The following STAP2 variants were observed in gnomAD, a reference collection of about 807,000 sequenced individuals.
The protein encoded by STAP2 is signal-transducing adaptor protein 2.
In STAP2, 58 loss-of-function variants were observed where a neutral mutation model predicts 52.7. That is an observed-to-expected ratio of 1.10 (90% CI 0.89 to 1.37). STAP2 has a LOEUF of 1.37. Among genes scored for constraint, STAP2 ranks in the 40% most tolerant of loss-of-function variants. The probability of loss-of-function intolerance (pLI) is 0.00; values close to 1 mark genes in which losing one functional copy is unlikely to be tolerated. For synonymous variants in STAP2, 231 were observed against 210.5 expected (o/e 1.10, Z -0.84); for missense variants, 522 against 519.4 (o/e 1.00, Z -0.05).
In STAP2 at chr19:4,324,143, A is replaced by G. The variant is rs1445982344; in HGVS notation, c.1202T>C (p.Leu401Pro). 6.4e-7 allele frequency: 1 copy of G among 1,551,492 alleles called. No homozygotes were observed. The highest frequency in any genetic ancestry group is 2.0e-5 in the Admixed American group (1 of 51,000). Residue 401 changes from leucine to proline, a missense_variant, in exon 13 of 13, where the codon CTG becomes CCG. Coordinates refer to ENST00000594605, the MANE Select transcript of STAP2 (RefSeq NM_001013841.2). ...CCTGGTGTGTCCGAATCAGTGCTCC[A>G]GTGCCCGCCTCTTCTCCAGCTTCTT... ...LQKKLEKRRA[L>P]EH
chr19:4,338,730 G>A lies in STAP2; in HGVS notation c.24C>T (p.Pro8=). ...GGACACCCTTAGGCTTGGGGACACG[G>A]GGTGGCCTCAGGGCAGAGGCCATGA... MASALRP[P]RVPKPKGVLP... is the part of the protein sequence containing the mutation. Residue 8 remains proline (P), a synonymous_variant, in exon 1 of 13, where the codon CCC becomes CCT. Coordinates refer to ENST00000594605, the MANE Select transcript of STAP2 (RefSeq NM_001013841.2). The A allele has an allele frequency of 3.7e-6, 6 of 1,613,460 alleles. No individual in the cohort carries two copies. Among genetic ancestry groups the A allele is most frequent in the Admixed American group, 1.7e-5 (1 of 59,996 alleles).
chr19:4,326,626 C>G (rs1971796163), intron 9 of STAP2, among the ~76,000 whole-genome samples: 1 of 152,156 alleles, frequency 6.6e-6, no homozygotes, highest in African/African-American at 2.4e-5. Flanking sequence ...CAAAGACCCA[C>G]TCTTCTGGGA....
chr19:4,334,900 T>TCCAC (rs1971954947), intron 1 of STAP2, among the ~76,000 whole-genome samples: 1 of 113,392 alleles, frequency 8.8e-6, no homozygotes, highest in Non-Finnish European at 1.8e-5. Flanking sequence ...CATCCATCCA[T>TCCAC]CCACCCATCC....
At chr19:4,330,821 TCTC>T (rs1971877994) in intron 4 of STAP2, among the ~76,000 whole-genome samples, 1 of 150,362 alleles carries the variant, frequency 6.7e-6, no homozygotes, top group South Asian at 2.1e-4. Context: ...TTCAAGCCAT[TCTC>T]CTGCCTCAGC....
chr19:4,325,519 TG>T lies in STAP2; in HGVS notation c.855del (p.Lys286SerfsTer26). ...GPGPAPCTGGPKPLSPASSQD... is the reference protein window; with the variant it reads ...GPGPAPCTGGXKPLSPASSQD... ...TGGCTAGACGCAGGTGACAGCGGCTTGGGGCCACCTGTGCAGGGTGCAGGAC... is the reference window on the plus strand; with the variant it reads ...TGGCTAGACGCAGGTGACAGCGGCTTGGGCCACCTGTGCAGGGTGCAGGAC... On this transcript the variant is annotated frameshift_variant, in exon 10 of 13. Transcript: ENST00000594605. LOFTEE classifies it high-confidence loss of function. 6.2e-7 allele frequency: 1 copy of T among 1,604,400 alleles called. No individual in the cohort carries two copies.
At chr19:4,335,292 C>T (rs867668376) in intron 1 of STAP2, among the ~76,000 whole-genome samples, 2 of 151,796 alleles carry the variant, frequency 1.3e-5, no homozygotes, top group Non-Finnish European at 2.9e-5. Flanking sequence ...CACCCACCCA[C>T]GCATCTTCCC....
chr19:4,325,070 C>T (rs571021526), intron 11 of STAP2, 146 bp downstream of exon 11: 8 of 673,484 alleles, frequency 1.2e-5, no homozygotes, highest in East Asian at 8.5e-5. Flanking sequence ...ACCCAGGAGG[C>T]GGAGCTTGCA....
chr19:4,325,188 G>A (rs1318438066), intron 11 of STAP2, 28 bp downstream of exon 11: 1 of 1,544,160 alleles, frequency 6.5e-7, no homozygotes, highest in African/African-American at 1.4e-5. Context: ...GCCATCAGGT[G>A]AGGGTGGGAT....
Position 4,325,445 on chromosome 19 carries a change from G to A in STAP2, c.930C>T (p.Tyr310=), listed in dbSNP as rs757085436. The change falls in exon 10 of 13, where the codon TAC becomes TAT. Residue 310 remains tyrosine, a synonymous_variant. Coordinates refer to ENST00000594605, the MANE Select transcript of STAP2 (RefSeq NM_001013841.2). ...CTGGGCCATCTCCAATGGGGGTCAC[G>A]TAGTTCTCTTCCTGGTTCGGTAGTG... The part of the protein sequence containing the change: ...LPPLPNQEEN[Y]VTPIGDGPAV... The A allele has an allele frequency of 1.8e-5, 29 of 1,614,098 alleles. No individual in the cohort carries two copies. Among genetic ancestry groups the A allele is most frequent in the African/African-American group, 2.7e-5 (2 of 74,946 alleles).
rs1289171193 is a variant in STAP2 at position 4,327,235 on chromosome 19, A to T, written c.661-9T>A. The T allele has an allele frequency of 1.9e-6, 3 of 1,614,054 alleles. No individual in the cohort carries two copies. The highest frequency in any genetic ancestry group is 2.5e-6 in the Non-Finnish European group (3 of 1,180,008). Reference sequence around the variant, plus strand: ...AGGGAGGTGCAAGAGAACTGGGGGCAGATGGGGGAGCGGTCAGGCTGCTGG... The same window carrying T: ...AGGGAGGTGCAAGAGAACTGGGGGCTGATGGGGGAGCGGTCAGGCTGCTGG... On this transcript the variant is annotated splice_polypyrimidine_tract_variant and intron_variant, in intron 7 of 12. Coordinates refer to ENST00000594605, the MANE Select transcript of STAP2 (RefSeq NM_001013841.2).
chr19:4,335,032 ATCCATCCATCCC>A (rs955376052), intron 1 of STAP2, among the ~76,000 whole-genome samples: 1 of 124,814 alleles, frequency 8.0e-6, no homozygotes, highest in Non-Finnish European at 1.7e-5. Context: ...CCATCCACCT[ATCCATCCATCCC>A]TCCATCATCC....
At position 4,328,747 on chromosome 19, in the gene STAP2, C is replaced by G. The variant is rs1298253901; in HGVS notation, c.518G>C (p.Gly173Ala). 12 of 1,610,378 alleles carry G rather than the reference C, an allele frequency of 7.5e-6. No homozygotes were observed. The highest frequency in any genetic ancestry group is 1.3e-5 in the African/African-American group (1 of 74,890). The change falls in exon 6 of 13, where the codon GGG becomes GCG. Residue 173 changes from glycine (G) to alanine (A), a missense_variant. By Grantham distance (60) the Gly-to-Ala change is moderately conservative. Coordinates refer to ENST00000594605, the MANE Select transcript of STAP2 (RefSeq NM_001013841.2). ...QLLLERYPECGNLLLRPSGDG... is the reference protein window; with the variant it reads ...QLLLERYPECANLLLRPSGDG... ...CCCGCTGGGCCGCAGCAGCAGGTTC[C>G]CGCACTCGGGGTAGCGCTCCAGGAG...
At chr19:4,330,569 A>G (rs1278886799) in intron 4 of STAP2, among the ~76,000 whole-genome samples, 1 of 151,516 alleles carries the variant, frequency 6.6e-6, no homozygotes, top group Non-Finnish European at 1.5e-5. Context: ...AGATGCTGGA[A>G]TCTAGGGTCT....
chr19:4,326,484 C>T (rs1971794326), intron 9 of STAP2, among the ~76,000 whole-genome samples: 1 of 152,108 alleles, frequency 6.6e-6, no homozygotes, highest in African/African-American at 2.4e-5. Flanking sequence ...ACTCCATAAA[C>T]AGGACCGATT....
intron 9 of STAP2, among the ~76,000 whole-genome samples, chr19:4,325,782 C>T (rs1187499765): frequency 6.6e-6 from 1 of 152,062 alleles, no homozygotes; most frequent in Non-Finnish European, 1.5e-5. Context: ...ACCAGCCTGG[C>T]CAATATGGTG....
At chr19:4,326,847 T>C in intron 9 of STAP2, 95 bp downstream of exon 9, 1 of 1,438,058 alleles carries the variant, frequency 7.0e-7, no homozygotes, top group South Asian at 1.2e-5. Flanking sequence ...GAACATCAGA[T>C]GCAGGAGGTG....
chr19:4,324,887 C>T, intron 11 of STAP2: 2 of 421,148 alleles, frequency 4.7e-6, no homozygotes, highest in Non-Finnish European at 4.4e-6. Context: ...GTAATCCCAG[C>T]ACTTTGGGAG....
chr19:4,336,106 A>C, intron 1 of STAP2, among the ~76,000 whole-genome samples: 1 of 151,882 alleles, frequency 6.6e-6, no homozygotes, highest in Non-Finnish European at 1.5e-5. Context: ...TCCACCTCCC[A>C]GTTCGAGCCA....
chr19:4,336,839 T>G (rs974776508), intron 1 of STAP2, among the ~76,000 whole-genome samples: 1 of 151,700 alleles, frequency 6.6e-6, no homozygotes, highest in Admixed American at 6.6e-5. Context: ...TTCACCATAT[T>G]GGCCAGGTTG....
Sources: allele counts gnomAD v4.1 joint callset (sites outside exome capture counted in the v4.1 genomes callset), GRCh38; gene constraint gnomAD v4.1.1; transcripts MANE v1.5; gene names NCBI Gene and HGNC (gene_info 2026-07-23, HGNC 2026-07-21).